The following CELF2 variants were observed in gnomAD, a reference collection of about 807,000 sequenced individuals.
CELF2 encodes CUG triplet repeat RNA-binding protein 2.
CELF2 carries 8 observed loss-of-function variants against 62.6 expected under a neutral mutation model. That is an observed-to-expected ratio of 0.13 (90% CI 0.07 to 0.23). CELF2 has a LOEUF of 0.23. Among genes scored for constraint, CELF2 ranks in the 10% least tolerant of loss-of-function variants. CELF2 has a pLI of 1.00. For synonymous variants in CELF2, 258 were observed against 250.0 expected (o/e 1.03, Z -0.30); for missense variants, 333 against 671.0 (o/e 0.50, Z 5.56).
Position 11,312,870 on chromosome 10 carries a change from G to A in CELF2, c.977-1269G>A, listed in dbSNP as rs372363694. Among the ~76,000 whole-genome samples the A allele has an allele frequency of 5.9e-5, 9 of 152,334 alleles. No homozygotes were observed. The East Asian group carries it at 9.7e-4, about 16-fold the overall frequency. ...AATCACTTGAACCTGGGAGGCAGGGGTTGCAGTGGGCCAAGATCATGCCAC... is the reference window on the plus strand; with the variant it reads ...AATCACTTGAACCTGGGAGGCAGGGATTGCAGTGGGCCAAGATCATGCCAC... On this transcript the variant is annotated intron_variant, in intron 9 of 12. Coordinates refer to ENST00000633077, the MANE Select transcript of CELF2 (RefSeq NM_001326342.2).
At chr10:11,299,779 A>G (rs993143648) in intron 9 of CELF2, among the ~76,000 whole-genome samples, 4 of 151,014 alleles carry the variant, frequency 2.6e-5, no homozygotes, top group Admixed American at 6.6e-5. Context: ...GGTTTCGCCA[A>G]TTACACATTG....
At chr10:11,325,213 C>G (rs1161488023) in intron 11 of CELF2, among the ~76,000 whole-genome samples, 1 of 152,176 alleles carries the variant, frequency 6.6e-6, no homozygotes, top group South Asian at 2.1e-4. Context: ...CCAAGGCTAA[C>G]GCCCAGGAGA....
the CELF2 span, among the ~76,000 whole-genome samples, chr10:10,718,421 C>T: frequency 2.6e-5 from 4 of 151,932 alleles, no homozygotes; most frequent in Admixed American, 6.6e-5. Flanking sequence ...GTCGGGAGTT[C>T]GAGACCAACC....
the CELF2 span, among the ~76,000 whole-genome samples, chr10:10,516,250 A>T: frequency 6.6e-6 from 1 of 152,214 alleles, no homozygotes; most frequent in Non-Finnish European, 1.5e-5. Context: ...CAAACAAAAC[A>T]ACCAGAAGAT....
chr10:10,472,710 T>A, the CELF2 span, among the ~76,000 whole-genome samples: 1 of 151,978 alleles, frequency 6.6e-6, no homozygotes, highest in African/African-American at 2.4e-5. Context: ...TCTTGCTCTG[T>A]TATTACAGTA....
In CELF2 at chr10:11,301,566, A is replaced by T. The variant is rs371047160; in HGVS notation, c.977-12573A>T. Among the ~76,000 whole-genome samples the T allele has an allele frequency of 6.2e-3, 849 of 137,818 alleles. 11 individuals are homozygous for T. The highest frequency in any genetic ancestry group is 0.022 in the African/African-American group (809 of 36,556). The allele number at this position is 137,818 out of a possible 152,430, so 90.4% of individuals were successfully genotyped here. A position where few individuals can be genotyped will look rare whatever the true frequency, so the allele number is the denominator to read the frequency against. On this transcript the variant is annotated intron_variant, in intron 9 of 12. Coordinates refer to ENST00000633077, the MANE Select transcript of CELF2 (RefSeq NM_001326342.2). ...CCCGGCCCCGACTCCCGTTCCAGTGAGGGGAGGTGGGCTTCTCCAGGACGG... is the reference window on the plus strand; with the variant it reads ...CCCGGCCCCGACTCCCGTTCCAGTGTGGGGAGGTGGGCTTCTCCAGGACGG...
At chr10:10,760,139 G>A in the CELF2 span, among the ~76,000 whole-genome samples, 1 of 152,096 alleles carries the variant, frequency 6.6e-6, no homozygotes, top group African/African-American at 2.4e-5. Context: ...CCTGACCTCA[G>A]GTGATCCACC....
rs149214153 is a variant in CELF2 at position 11,324,313 on chromosome 10, T to C, written c.1295-1523T>C. ...TGTGCAGTAGCAACATGAAAGCTGG[T>C]AGCACCAAATCTGACCATCAGACAT... On this transcript the variant is annotated intron_variant, in intron 11 of 12. Coordinates refer to ENST00000633077, the MANE Select transcript of CELF2 (RefSeq NM_001326342.2). This position sits in a 1 kb window ranked among gnomAD's most constrained non-coding sequence, Gnocchi z 4.7. 1.8e-4 allele frequency among the ~76,000 whole-genome samples: 28 copies of C among 152,356 alleles called. 1 individual carries two copies. The highest frequency in any genetic ancestry group is 6.0e-4 in the African/African-American group (25 of 41,580).
At chr10:10,941,718 G>T (rs1698949233) in intron 2 of CELF2, among the ~76,000 whole-genome samples, 1 of 152,154 alleles carries the variant, frequency 6.6e-6, no homozygotes, top group Non-Finnish European at 1.5e-5. Context: ...AGTTGACCAG[G>T]CGCAGTGGCT....
intron 1 of CELF2, among the ~76,000 whole-genome samples, chr10:10,817,357 A>G (rs1293227592): frequency 2.0e-5 from 3 of 152,222 alleles, no homozygotes; most frequent in African/African-American, 7.2e-5. Flanking sequence ...AAAACGTACA[A>G]TTAAGTTATT....
chr10:11,123,603 T>G (rs1226428679), intron 1 of CELF2, among the ~76,000 whole-genome samples: 8 of 152,130 alleles, frequency 5.3e-5, no homozygotes, highest in Non-Finnish European at 8.8e-5. Context: ...TAATCCTCTG[T>G]GATGTTAGTG....
Position 10,943,905 on chromosome 10 carries a change from A to G in CELF2, c.89+23906A>G, listed in dbSNP as rs78179518. Among the ~76,000 whole-genome samples, 511 of 152,146 alleles carry G rather than the reference A, an allele frequency of 3.4e-3. 2 individuals carry two copies. The highest frequency in any genetic ancestry group is 0.012 in the African/African-American group (489 of 41,546). On this transcript the variant is annotated intron_variant, in intron 2 of 13. Transcript: ENST00000636488. ...GCATGAGCCACCACACTCAGCCCCA[A>G]GATTGCTCTTTAATATGACTCTGAA...
At chr10:11,278,265 A>G (rs1463482420) in intron 8 of CELF2, among the ~76,000 whole-genome samples, 1 of 152,228 alleles carries the variant, frequency 6.6e-6, no homozygotes, top group Non-Finnish European at 1.5e-5. Flanking sequence ...GTTTTTATCC[A>G]AGAGAACCTT....
chr10:11,234,599 G>A (rs577466202), intron 3 of CELF2, among the ~76,000 whole-genome samples: 307 of 59,748 alleles, frequency 5.1e-3, no homozygotes, highest in Non-Finnish European at 0.016. Context: ...GGAGAATGGC[G>A]TGAACCCGGG....
the CELF2 span, among the ~76,000 whole-genome samples, chr10:10,562,183 C>A: frequency 1.3e-5 from 2 of 152,102 alleles, no homozygotes; most frequent in Admixed American, 6.5e-5. Context: ...TAAAATAGCA[C>A]GAAAACAACA....
chr10:10,950,034 G>A (rs1290832817), intron 2 of CELF2, among the ~76,000 whole-genome samples: 1 of 152,004 alleles, frequency 6.6e-6, no homozygotes, highest in Non-Finnish European at 1.5e-5. Flanking sequence ...TGATTACCTT[G>A]GCAATGCCTG....
the CELF2 span, among the ~76,000 whole-genome samples, chr10:10,793,117 C>G: frequency 5.3e-5 from 8 of 152,278 alleles, no homozygotes; most frequent in Non-Finnish European, 8.8e-5. Context: ...GTAGCTGTCT[C>G]TTTAGAGGCC....
chr10:11,092,301 T>G (rs1251726465), intron 1 of CELF2: 1 of 152,222 alleles, frequency 6.6e-6, no homozygotes, highest in African/African-American at 2.4e-5. Context: ...GCTTCCTTTA[T>G]TAGAATAATG....
intron 1 of CELF2, among the ~76,000 whole-genome samples, chr10:11,076,347 A>C (rs577372170): frequency 6.6e-6 from 1 of 152,336 alleles, no homozygotes; most frequent in East Asian, 1.9e-4. Context: ...CAGAGTAAAA[A>C]GAAAAGGCAG....
Sources: gnomAD v4.1 joint callset for allele counts (sites outside exome capture counted in the v4.1 genomes callset) on GRCh38, gnomAD v4.1.1 for gene constraint, Gnocchi (gnomAD v3.1) non-coding constraint, MANE v1.5 for transcripts, NCBI Gene and HGNC (gene_info 2026-07-23, HGNC 2026-07-21) for gene names.